The following PRKCE variants were observed in gnomAD, a reference collection of about 807,000 sequenced individuals.
PRKCE encodes protein kinase C epsilon type.
PRKCE carries 16 observed loss-of-function variants against 85.4 expected under a neutral mutation model. That is an observed-to-expected ratio of 0.19 (90% CI 0.13 to 0.28). The LOEUF is 0.28. Ranked by LOEUF, PRKCE falls within the 10% of genes least tolerant of loss-of-function variation. The pLI is 1.00. For synonymous variants in PRKCE, 388 were observed against 371.5 expected (o/e 1.04, Z -0.51); for missense variants, 573 against 975.2 (o/e 0.59, Z 5.49).
chr2:46,028,189 G>A (rs57684703), intron 10 of PRKCE, among the ~76,000 whole-genome samples: 3,933 of 152,156 alleles, frequency 0.026, 183 homozygotes, highest in African/African-American at 0.09. Flanking sequence ...TGATCCGCCC[G>A]TCTCAGCCTC....
At chr2:46,106,489 G>T (rs959182822) in intron 11 of PRKCE, among the ~76,000 whole-genome samples, 2 of 152,216 alleles carry the variant, frequency 1.3e-5, no homozygotes, top group African/African-American at 4.8e-5. Flanking sequence ...CAAACTGGGT[G>T]GCTTAAACAA....
intron 13 of PRKCE, among the ~76,000 whole-genome samples, chr2:46,153,737 G>GTCCTCCTCTTCCTCTTCTTCC (rs1676875298): frequency 6.7e-6 from 1 of 149,934 alleles, no homozygotes; most frequent in Non-Finnish European, 1.5e-5. Flanking sequence ...CTTCTTCTTC[G>GTCCTCCTCTTCCTCTTCTTCC]TCCTCCTCTT....
At chr2:45,720,589 AC>A (rs1680533224) in intron 1 of PRKCE, among the ~76,000 whole-genome samples, 2 of 152,046 alleles carry the variant, frequency 1.3e-5, no homozygotes, top group Admixed American at 6.6e-5. Flanking sequence ...GCCCACATTC[AC>A]TTCCAAATGT....
At chr2:45,839,038 T>C (rs1168599176) in intron 1 of PRKCE, among the ~76,000 whole-genome samples, 5 of 152,076 alleles carry the variant, frequency 3.3e-5, no homozygotes, top group Admixed American at 6.5e-5. Context: ...GGCTGAGGCA[T>C]ACAGAGGGTA....
intron 10 of PRKCE, among the ~76,000 whole-genome samples, chr2:46,038,951 G>T (rs1708051460): frequency 6.6e-6 from 1 of 152,110 alleles, no homozygotes; most frequent in Admixed American, 6.5e-5. Context: ...ATAGTTCCTG[G>T]CTGAAAATGT....
At chr2:46,180,083 G>A (rs760434277) in intron 14 of PRKCE, among the ~76,000 whole-genome samples, 3 of 152,194 alleles carry the variant, frequency 2.0e-5, no homozygotes, top group Non-Finnish European at 4.4e-5. Context: ...TCATAGATTA[G>A]TTGAAAAGAA....
chr2:45,929,270 G>A (rs948865315), intron 2 of PRKCE, among the ~76,000 whole-genome samples: 3 of 152,190 alleles, frequency 2.0e-5, no homozygotes, highest in African/African-American at 7.2e-5. Context: ...GCAGCTAATT[G>A]GAATGGAAAA....
chr2:45,665,980 C>T (rs1299302004), intron 1 of PRKCE, among the ~76,000 whole-genome samples: 1 of 151,998 alleles, frequency 6.6e-6, no homozygotes, highest in Non-Finnish European at 1.5e-5. Context: ...TGATGAGGGA[C>T]CCCTTTCTAG....
chr2:45,762,560 T>G (rs1684591882), intron 1 of PRKCE, among the ~76,000 whole-genome samples: 1 of 152,222 alleles, frequency 6.6e-6, no homozygotes, highest in South Asian at 2.1e-4. Context: ...TGGCATCTTG[T>G]GCCTGGCTCT....
At position 46,037,429 on chromosome 2, in the gene PRKCE, A is replaced by C. The variant is rs565826029; in HGVS notation, c.1437+26912A>C. Among the ~76,000 whole-genome samples, 296 of 152,316 alleles carry C rather than the reference A, an allele frequency of 1.9e-3. 1 individual carries two copies. The highest frequency in any genetic ancestry group is 2.2e-3 in the Non-Finnish European group (150 of 68,032). On this transcript the variant is annotated intron_variant, in intron 10 of 14. Transcript: ENST00000306156. ...AGCAGGGGTGCATTGTTACCATATG[A>C]CATGGCAAAAAGGGATTACCTGCTA...
At chr2:45,873,455 C>CAA (rs56281653) in intron 2 of PRKCE, among the ~76,000 whole-genome samples, 5 of 143,820 alleles carry the variant, frequency 3.5e-5, no homozygotes, top group Non-Finnish European at 4.6e-5. Flanking sequence ...TAGTAGACTG[C>CAA]AAAAAAAAAA....
chr2:45,988,342 A>G (rs1041245140), intron 6 of PRKCE, among the ~76,000 whole-genome samples: 1 of 152,202 alleles, frequency 6.6e-6, no homozygotes, highest in Non-Finnish European at 1.5e-5. Flanking sequence ...CTCTTTCTCC[A>G]GTCTAAAACT....
At chr2:45,976,720 G>C in intron 3 of PRKCE, 132 bp downstream of exon 3, 1 of 1,094,770 alleles carries the variant, frequency 9.1e-7, no homozygotes. Flanking sequence ...TGAATGCAGG[G>C]GACTATTATG....
chr2:46,140,252 AAAT>A (rs1675383999), intron 11 of PRKCE, among the ~76,000 whole-genome samples: 1 of 152,202 alleles, frequency 6.6e-6, no homozygotes, highest in Non-Finnish European at 1.5e-5. Flanking sequence ...AAATTTTGAA[AAAT>A]AATAATATGT....
chr2:45,824,196 G>A (rs1378340016), intron 1 of PRKCE, among the ~76,000 whole-genome samples: 4 of 152,218 alleles, frequency 2.6e-5, no homozygotes, highest in African/African-American at 9.6e-5. Flanking sequence ...GGCTTCAGCA[G>A]GACTGTTCTG....
chr2:45,757,224 C>G (rs1684080739), intron 1 of PRKCE, among the ~76,000 whole-genome samples: 1 of 143,764 alleles, frequency 7.0e-6, no homozygotes, highest in South Asian at 2.2e-4. Flanking sequence ...AGGAGAATCA[C>G]TTGAACCCAG....
chr2:45,763,653 C>G (rs577153989), intron 1 of PRKCE, among the ~76,000 whole-genome samples: 1 of 152,180 alleles, frequency 6.6e-6, no homozygotes, highest in African/African-American at 2.4e-5. Flanking sequence ...CGCCATGCTG[C>G]TGCTAGTCTC....
chr2:45,981,637 C>T (rs529573525), intron 5 of PRKCE, among the ~76,000 whole-genome samples: 2 of 152,330 alleles, frequency 1.3e-5, no homozygotes, highest in African/African-American at 4.8e-5. Flanking sequence ...GACTCCTGGT[C>T]TAGGATCATG....
intron 1 of PRKCE, among the ~76,000 whole-genome samples, chr2:45,837,106 G>A (rs933874922): frequency 4.6e-5 from 7 of 152,224 alleles, no homozygotes; most frequent in African/African-American, 9.7e-5. Context: ...TGTGGATCAC[G>A]GGGGGCTGAC....
Sources: allele counts gnomAD v4.1 joint callset (sites outside exome capture counted in the v4.1 genomes callset), GRCh38; gene constraint gnomAD v4.1.1; transcripts MANE v1.5; gene names NCBI Gene and HGNC (gene_info 2026-07-23, HGNC 2026-07-21).